SH3RF3: variants seen among roughly 807,000 people sequenced by gnomAD.
SH3RF3 encodes E3 ubiquitin-protein ligase SH3RF3.
A neutral mutation model predicts 66.3 loss-of-function variants in SH3RF3; 29 were observed. The observed-to-expected ratio is 0.44, with a 90% confidence interval of 0.33 to 0.60. The LOEUF (loss-of-function observed/expected upper bound fraction) is 0.60, where lower values mean the gene tolerates loss of function less well. Ranked by LOEUF, SH3RF3 falls within the 20% of genes least tolerant of loss-of-function variation. The pLI is 0.04. For synonymous variants in SH3RF3, 583 were observed against 532.0 expected, an observed-to-expected ratio of 1.10 and a Z score of -1.32; for missense variants, 1,194 against 1,190.9, an observed-to-expected ratio of 1.00 and a Z score of -0.04.
At chr2:109,337,045 A>G (rs965684881) in intron 1 of SH3RF3, among the ~76,000 whole-genome samples, 2 of 152,222 alleles carry the variant, frequency 1.3e-5, no homozygotes, top group East Asian at 1.9e-4. Flanking sequence ...CAGGCTTAAC[A>G]TTTTTTAACA....
At chr2:109,457,271 A>T (rs1156386257) in intron 8 of SH3RF3, among the ~76,000 whole-genome samples, 1 of 152,228 alleles carries the variant, frequency 6.6e-6, no homozygotes, top group Admixed American at 6.5e-5. Flanking sequence ...ATCCATACAG[A>T]TGTAAAACTT....
At chr2:109,465,826 T>C (rs992138198) in intron 8 of SH3RF3, among the ~76,000 whole-genome samples, 1 of 151,884 alleles carries the variant, frequency 6.6e-6, no homozygotes, top group Non-Finnish European at 1.5e-5. Context: ...CAATCAGGTC[T>C]CATGAGAACT....
chr2:109,378,217 C>T (rs547185032), intron 3 of SH3RF3, among the ~76,000 whole-genome samples: 1 of 152,314 alleles, frequency 6.6e-6, no homozygotes, highest in Non-Finnish European at 1.5e-5. Flanking sequence ...GTTCACCCAC[C>T]GGCTTGCACT....
At chr2:109,380,254 C>T (rs1387853180) in intron 3 of SH3RF3, among the ~76,000 whole-genome samples, 1 of 152,208 alleles carries the variant, frequency 6.6e-6, no homozygotes, top group African/African-American at 2.4e-5. Context: ...GTGAAATTAA[C>T]ATCTTATAAT....
At chr2:109,400,485 G>A (rs139329026) in intron 4 of SH3RF3, among the ~76,000 whole-genome samples, 195 of 151,500 alleles carry the variant, frequency 1.3e-3, no homozygotes, top group South Asian at 2.9e-3. Context: ...ACACACATGC[G>A]TACAGGTGCA....
chr2:109,499,460 A>T (rs558211958), intron 9 of SH3RF3, among the ~76,000 whole-genome samples: 1 of 152,312 alleles, frequency 6.6e-6, no homozygotes, highest in South Asian at 2.1e-4. Flanking sequence ...ATCTTCTCTC[A>T]GCCCTTACTG....
chr2:109,383,811 C>T (rs1389116743), intron 3 of SH3RF3, among the ~76,000 whole-genome samples: 3 of 152,166 alleles, frequency 2.0e-5, no homozygotes, highest in East Asian at 3.9e-4. Flanking sequence ...GGACATCAGC[C>T]GCATTTTCCA....
intron 1 of SH3RF3, among the ~76,000 whole-genome samples, chr2:109,158,057 T>TGAGCCTGGAGCTGGACTCCC (rs1274270293): frequency 1.3e-5 from 2 of 152,230 alleles, no homozygotes; most frequent in African/African-American, 4.8e-5. Flanking sequence ...ATCTGGCTCC[T>TGAGCCTGGAGCTGGACTCCC]GAGCCTGGAG....
intron 1 of SH3RF3, among the ~76,000 whole-genome samples, chr2:109,230,004 T>G (rs898896488): frequency 3.3e-5 from 5 of 151,838 alleles, no homozygotes; most frequent in African/African-American, 9.7e-5. Flanking sequence ...TTTTGTATAT[T>G]TAGTAGAGAC....
intron 1 of SH3RF3, among the ~76,000 whole-genome samples, chr2:109,224,963 C>T (rs747856986): frequency 6.6e-6 from 1 of 152,138 alleles, no homozygotes; most frequent in African/African-American, 2.4e-5. Flanking sequence ...GCAGCATAAC[C>T]TTATCTTTTT....
chr2:109,489,412 A>G (rs1010973597), intron 8 of SH3RF3, among the ~76,000 whole-genome samples: 2 of 152,204 alleles, frequency 1.3e-5, no homozygotes, highest in Non-Finnish European at 2.9e-5. Context: ...GTGCTCTTAG[A>G]CAACCAGACC....
intron 8 of SH3RF3, among the ~76,000 whole-genome samples, chr2:109,467,196 G>A (rs922574678): frequency 2.0e-5 from 3 of 152,254 alleles, no homozygotes; most frequent in African/African-American, 4.8e-5. Flanking sequence ...GGGATCCGTA[G>A]CAGCTTTATT....
intron 1 of SH3RF3, among the ~76,000 whole-genome samples, chr2:109,210,859 G>A (rs2105106072): frequency 6.6e-6 from 1 of 152,346 alleles, no homozygotes; most frequent in South Asian, 2.1e-4. Flanking sequence ...TACAACCTAG[G>A]TGAGAAATCT....
At chr2:109,170,880 C>G (rs1677765656) in intron 1 of SH3RF3, among the ~76,000 whole-genome samples, 2 of 152,184 alleles carry the variant, frequency 1.3e-5, no homozygotes, top group South Asian at 4.1e-4. Flanking sequence ...GCGTCACCTT[C>G]CTCTGTTCAA....
chr2:109,324,213 G>A (rs1273128127), intron 1 of SH3RF3, among the ~76,000 whole-genome samples: 4 of 152,184 alleles, frequency 2.6e-5, no homozygotes, highest in Non-Finnish European at 4.4e-5. Context: ...TTAATCAGTG[G>A]ATGGACATCT....
chr2:109,476,210 A>G (rs1678678949), intron 8 of SH3RF3, among the ~76,000 whole-genome samples: 1 of 152,224 alleles, frequency 6.6e-6, no homozygotes, highest in African/African-American at 2.4e-5. Flanking sequence ...TCCTCCACTC[A>G]GCCCTGCCCC....
chr2:109,161,485 C>T (rs1414949543), intron 1 of SH3RF3, among the ~76,000 whole-genome samples: 3 of 151,124 alleles, frequency 2.0e-5, no homozygotes, highest in African/African-American at 4.9e-5. Context: ...GGTTGGGTGA[C>T]GTGCATTACA....
chr2:109,339,311 A>G (rs1387118045), intron 1 of SH3RF3, among the ~76,000 whole-genome samples: 5 of 152,128 alleles, frequency 3.3e-5, no homozygotes, highest in Admixed American at 3.3e-4. Flanking sequence ...GAAAGTAATG[A>G]CATGAAAAAT....
intron 8 of SH3RF3, among the ~76,000 whole-genome samples, chr2:109,473,899 C>G (rs1678603025): frequency 6.6e-6 from 1 of 152,224 alleles, no homozygotes; most frequent in South Asian, 2.1e-4. Context: ...GCCCCTTGAT[C>G]ATCAGCAGTG....
Sources: gnomAD v4.1 joint callset for allele counts (sites outside exome capture counted in the v4.1 genomes callset) on GRCh38, gnomAD v4.1.1 for gene constraint, MANE v1.5 for transcripts, NCBI Gene and HGNC (gene_info 2026-07-23, HGNC 2026-07-21) for gene names.